CPEB2: variants seen among roughly 807,000 people sequenced by gnomAD.
CPEB2 encodes cytoplasmic polyadenylation element-binding protein 2.
CPEB2 carries 56 observed loss-of-function variants against 93.6 expected under a neutral mutation model. The observed-to-expected ratio is 0.60, with a 90% confidence interval of 0.48 to 0.75. The LOEUF is 0.75. CPEB2 is among the 30% of genes least tolerant of loss of function. The pLI is 0.00. For synonymous variants in CPEB2, 764 were observed against 586.3 expected, an observed-to-expected ratio of 1.30 and a Z score of -4.38; for missense variants, 1,579 against 1,395.1, an observed-to-expected ratio of 1.13 and a Z score of -2.10.
Position 15,008,374 on chromosome 4 carries a change from G to C in CPEB2, c.1981G>C (p.Asp661His). The C allele has an allele frequency of 6.2e-7, 1 of 1,613,942 alleles. No homozygotes were observed. Among genetic ancestry groups the C allele is most frequent in the South Asian group, 1.1e-5 (1 of 91,078 alleles). Residue 661 changes from aspartate (D) to histidine (H), a missense_variant, in exon 3 of 12, where the codon GAT (aspartate) becomes CAT (histidine). Physicochemically the swap from Asp to His is moderately conservative, Grantham distance 81. Around this residue, in one of 2 missense-constraint regions of CPEB2, gnomAD observed 1,411 missense variants for 1,056.0 expected, o/e 1.34. Transcript: ENST00000538197. Reference sequence around the variant, plus strand: ...TTTGCAGTTGCCAGCTTGGGGCTCAGATTCACTCCAAGATAGTTGGTGCAC... The same window carrying C: ...TTTGCAGTTGCCAGCTTGGGGCTCACATTCACTCCAAGATAGTTGGTGCAC... ...SSLQLPAWGS[D>H]SLQDSWCTAA...
Position 15,041,608 on chromosome 4 carries a change from G to A in CPEB2, c.2200+1121G>A, listed in dbSNP as rs891142990. Among the ~76,000 whole-genome samples, 7 of 151,940 alleles carry A rather than the reference G, an allele frequency of 4.6e-5. 1 individual carries two copies. Among genetic ancestry groups the A allele is most frequent in the African/African-American group, 1.7e-4 (7 of 41,352 alleles). On this transcript the variant is annotated intron_variant, in intron 6 of 11. Coordinates refer to ENST00000538197, the MANE Select transcript of CPEB2 (RefSeq NM_001177382.2). Reference sequence around the variant, plus strand: ...AGTAGAGATGGAGTTTCTCCATGTTGGCCCGTCTGGTCTTGAATTCCTGAC... The same window carrying A: ...AGTAGAGATGGAGTTTCTCCATGTTAGCCCGTCTGGTCTTGAATTCCTGAC...
At position 15,066,688 on chromosome 4, in the gene CPEB2, C is replaced by T. The variant is rs1216609134; in HGVS notation, c.*308C>T. 5 of 337,102 alleles carry T rather than the reference C, an allele frequency of 1.5e-5. No homozygotes were observed. Among genetic ancestry groups the T allele is most frequent in the Non-Finnish European group, 2.8e-5 (5 of 180,888 alleles). 20.9% of individuals were successfully genotyped at this position (337,102 alleles called of 1,614,324 possible). A position where few individuals can be genotyped will look rare whatever the true frequency, so the allele number is the denominator to read the frequency against. On this transcript the variant is annotated 3_prime_UTR_variant, in exon 12 of 12. Coordinates refer to ENST00000538197, the MANE Select transcript of CPEB2 (RefSeq NM_001177382.2). Reference sequence around the variant, plus strand: ...ATGAGAATGTTTTGCGTAGGGGCAACACAGTCTGCTGCTATATAGTGGGGG... The same window carrying T: ...ATGAGAATGTTTTGCGTAGGGGCAATACAGTCTGCTGCTATATAGTGGGGG...
intron 6 of CPEB2, among the ~76,000 whole-genome samples, chr4:15,040,813 A>G (rs550821907): frequency 6.6e-6 from 1 of 152,286 alleles, no homozygotes; most frequent in South Asian, 2.1e-4. Flanking sequence ...TGAAGTTAGC[A>G]TGAAGTATGA....
rs534013770 is a variant in CPEB2, at chr4:15,007,760, T to G, written c.1944+174T>G. On this transcript the variant is annotated intron_variant, in intron 2 of 11. Coordinates refer to ENST00000538197, the MANE Select transcript of CPEB2 (RefSeq NM_001177382.2). The stretch of plus-strand genomic sequence containing the variant: ...ATATCTATACAGAGAAAATTGAGAA[T>G]GTAAAATAATTCTCTAAACACGCAA... Among the ~76,000 whole-genome samples, 18 of 152,310 alleles carry G rather than the reference T, an allele frequency of 1.2e-4. No individual in the cohort carries two copies. The South Asian group carries it at 3.7e-3, about 32-fold the overall frequency.
At chr4:15,034,466 T>C (rs1726412921) in intron 5 of CPEB2, among the ~76,000 whole-genome samples, 1 of 152,224 alleles carries the variant, frequency 6.6e-6, no homozygotes, top group Admixed American at 6.5e-5. Context: ...AAGAGTATTT[T>C]ATTTCAGGCA....
At chr4:15,058,738 C>G (rs1170945928) in intron 9 of CPEB2, among the ~76,000 whole-genome samples, 199 bp downstream of exon 9, 1 of 152,166 alleles carries the variant, frequency 6.6e-6, no homozygotes, top group Non-Finnish European at 1.5e-5. Context: ...TTTTAGGAAC[C>G]AGGCCACACA....
At chr4:15,007,159 G>T (rs1185355666) in intron 1 of CPEB2, 146 bp from the exon 2 acceptor site, 1 of 600,204 alleles carries the variant, frequency 1.7e-6, no homozygotes, top group African/African-American at 1.9e-5. Context: ...AAGATCTCAA[G>T]ACTGTTACTT....
rs6835866 is a variant in CPEB2, at chr4:15,046,441, G to A, written c.2200+5954G>A. The stretch of plus-strand genomic sequence containing the variant: ...GGGTTTCACGATGTTGGCCAGGCTG[G>A]TCTCAAACTCCTCACCTCAGGTGAT... On this transcript the variant is annotated intron_variant, in intron 6 of 11. Transcript: ENST00000538197. 6.6e-3 allele frequency among the ~76,000 whole-genome samples: 1,009 copies of A among 152,252 alleles called. 11 individuals are homozygous for A. The highest frequency in any genetic ancestry group is 0.023 in the African/African-American group (949 of 41,536).
In CPEB2 at chr4:15,040,505, G is replaced by T; in HGVS notation, c.2200+18G>T. ...AAGACGAGGTAATTCATTTCTGTTTGCTATGGTATAATTGTTTCTAATGGG... is the reference window on the plus strand; with the variant it reads ...AAGACGAGGTAATTCATTTCTGTTTTCTATGGTATAATTGTTTCTAATGGG... On this transcript the variant is annotated intron_variant, in intron 6 of 11. Transcript: ENST00000538197. 6.5e-7 allele frequency: 1 copy of T among 1,534,680 alleles called. No homozygotes were observed. The highest frequency in any genetic ancestry group is 8.7e-7 in the Non-Finnish European group (1 of 1,145,610).
intron 3 of CPEB2, among the ~76,000 whole-genome samples, chr4:15,009,359 T>C (rs907716288): frequency 2.6e-5 from 4 of 152,252 alleles, no homozygotes; most frequent in Non-Finnish European, 5.9e-5. Flanking sequence ...AATCAACCAC[T>C]AACAATTGTT....
chr4:15,004,176 G>T lies in CPEB2; in HGVS notation c.1503G>T (p.Pro501=). The change falls in exon 1 of 12, where the codon CCG becomes CCT. Residue 501 remains proline, a synonymous_variant. Coordinates refer to ENST00000538197, the MANE Select transcript of CPEB2 (RefSeq NM_001177382.2). ...PFSATAVPPP[P]PPAMNIPQQQ... ...CGGCTACCGCTGTGCCCCCTCCGCC[G>T]CCGCCCGCCATGAATATACCTCAAC... 7 of 1,155,562 alleles carry T rather than the reference G, an allele frequency of 6.1e-6. No homozygotes were observed. Among genetic ancestry groups the T allele is most frequent in the Non-Finnish European group, 7.6e-6 (7 of 916,388 alleles). 71.6% of individuals were successfully genotyped at this position (1,155,562 alleles called of 1,614,324 possible).
In CPEB2 at chr4:15,003,477, G is replaced by T; in HGVS notation, c.804G>T (p.Pro268=). The change falls in exon 1 of 12, where the codon CCG becomes CCT. Residue 268 remains proline (P), a synonymous_variant. Transcript: ENST00000538197. ...CGCTCCCGCAGCTCCCTCCCTCGCCGCCTGCAGCCCCGCGGCGCCGCCACG... is the reference window on the plus strand; with the variant it reads ...CGCTCCCGCAGCTCCCTCCCTCGCCTCCTGCAGCCCCGCGGCGCCGCCACG... The part of the protein sequence containing the change: ...LPPLPQLPPS[P]PAAPRRRHGG... The T allele has an allele frequency of 7.2e-7, 1 of 1,392,986 alleles. No homozygotes were observed. The highest frequency in any genetic ancestry group is 9.3e-7 in the Non-Finnish European group (1 of 1,078,810). 86.3% of individuals were successfully genotyped at this position (1,392,986 alleles called of 1,614,324 possible). A position where few individuals can be genotyped will look rare whatever the true frequency, so the allele number is the denominator to read the frequency against.
chr4:15,068,770 GA>G lies in CPEB2; in HGVS notation c.*2392del, dbSNP rs1402323438. On this transcript the variant is annotated 3_prime_UTR_variant, in exon 12 of 12. Coordinates refer to ENST00000538197, the MANE Select transcript of CPEB2 (RefSeq NM_001177382.2). ...TTAAACAGAAATAAATATTTGGAAT[GA>G]AGGGGAATGTACTAGAACACCCTTT... The G allele has an allele frequency of 6.6e-6, 1 of 152,142 alleles. No individual in the cohort carries two copies. Among genetic ancestry groups the G allele is most frequent in the Non-Finnish European group, 1.5e-5 (1 of 67,786 alleles). 9.4% of individuals were successfully genotyped at this position (152,142 alleles called of 1,614,324 possible).
chr4:15,008,215 C>T (rs1723067414), intron 2 of CPEB2, 123 bp from the exon 3 acceptor site: 2 of 597,294 alleles, frequency 3.3e-6, no homozygotes, highest in East Asian at 3.0e-5. Flanking sequence ...TTTCTTAAAC[C>T]TTTAGAGGAT....
At chr4:15,007,259 G>T (rs1215263119) in intron 1 of CPEB2, 46 bp from the exon 2 acceptor site, 2 of 1,388,266 alleles carry the variant, frequency 1.4e-6, no homozygotes, top group South Asian at 4.1e-5. Context: ...AATTTGAATT[G>T]TAAATTCTTT....
rs1404211641 is a variant in CPEB2, at chr4:15,003,572, G to A, written c.899G>A (p.Gly300Asp). The change falls in exon 1 of 12, where the codon GGC (glycine) becomes GAC (aspartate). Residue 300 changes from glycine to aspartate, a missense_variant. Physicochemically the swap from Gly to Asp is moderately conservative, Grantham distance 94. Transcript: ENST00000538197. ...AGCGCCGCCGAGTCCCCCAATGCGG[G>A]CTTGGCCTCCTCGACGCCGGTGAAC... ...EGSAAESPNA[G>D]LASSTPVNPA... The A allele has an allele frequency of 6.1e-6, 9 of 1,474,108 alleles. No individual in the cohort carries two copies. Among genetic ancestry groups the A allele is most frequent in the Non-Finnish European group, 7.2e-6 (8 of 1,117,026 alleles). The allele number at this position is 1,474,108 out of a possible 1,614,324, so 91.3% of individuals were successfully genotyped here.
chr4:15,005,765 C>A (rs1262660963), intron 1 of CPEB2, among the ~76,000 whole-genome samples: 1 of 152,138 alleles, frequency 6.6e-6, no homozygotes, highest in Non-Finnish European at 1.5e-5. Flanking sequence ...TCACTGATTT[C>A]TTTCTTAGAA....
rs1328961918 is a variant in CPEB2, at chr4:15,007,460, G to A, written c.1818G>A (p.Pro606=). ...TMNQISPLKK[P]FSGNVIAPPK... ...ATCAGATATCTCCATTGAAGAAACC[G>A]TTTTCTGGTAATGTCATAGCACCAC... Residue 606 remains proline (P), a synonymous_variant, in exon 2 of 12, where the codon CCG becomes CCA. Transcript: ENST00000538197. 14 of 1,614,028 alleles carry A rather than the reference G, an allele frequency of 8.7e-6. No individual in the cohort carries two copies. The highest frequency in any genetic ancestry group is 3.3e-5 in the Admixed American group (2 of 60,004).
chr4:15,012,467 A>G (rs1028471458), intron 3 of CPEB2, among the ~76,000 whole-genome samples: 4 of 152,156 alleles, frequency 2.6e-5, no homozygotes, highest in African/African-American at 9.7e-5. Context: ...CTTAGAATAT[A>G]TGGATAAAAA....
Sources: allele counts gnomAD v4.1 joint callset (sites outside exome capture counted in the v4.1 genomes callset), GRCh38; gene constraint gnomAD v4.1.1; regional missense constraint gnomAD v4.1.1; transcripts MANE v1.5; gene names NCBI Gene and HGNC (gene_info 2026-07-23, HGNC 2026-07-21).